The following TAF1L variants were observed in gnomAD, a reference collection of about 807,000 sequenced individuals.
TAF1L encodes the protein TATA-box binding protein associated factor 1 like, also known as transcription initiation factor TFIID subunit 1-like.
A neutral mutation model predicts 128.8 loss-of-function variants in TAF1L; 30 were observed. The ratio of observed to expected loss-of-function variants is 0.23; its 90% confidence interval spans 0.17 to 0.32. The LOEUF is 0.32. Among genes scored for constraint, TAF1L ranks in the 10% least tolerant of loss-of-function variants. The probability of loss-of-function intolerance (pLI) is 1.00; values close to 1 mark genes in which losing one functional copy is unlikely to be tolerated. For missense variants in TAF1L, 2,099 were observed against 2,253.7 expected (o/e 0.93, Z 1.39); for synonymous variants, 764 against 790.7 (o/e 0.97, Z 0.57).
In TAF1L at chr9:32,634,287, A is replaced by C. The variant is rs1387637404; in HGVS notation, c.1293T>G (p.Asp431Glu). ...FLMVTQLHWE[D>E]SIIWDGEDIK... Reference sequence around the variant, plus strand: ...TATCCTCCCCATCCCAGATGATAGAATCCTCCCAATGCAGCTGTGTCACCA... The same window carrying C: ...TATCCTCCCCATCCCAGATGATAGACTCCTCCCAATGCAGCTGTGTCACCA... The change falls in exon 1 of 1, where the codon GAT (aspartate) becomes GAG (glutamate). Residue 431 changes from aspartate to glutamate, a missense_variant. Physicochemically the swap from Asp to Glu is conservative, Grantham distance 45 (BLOSUM62 2). Coordinates refer to ENST00000242310, the MANE Select transcript of TAF1L (RefSeq NM_153809.2). 3.1e-6 allele frequency: 5 copies of C among 1,614,158 alleles called. No homozygotes were observed. The highest frequency in any genetic ancestry group is 1.7e-6 in the Non-Finnish European group (2 of 1,180,030).
In TAF1L at chr9:32,632,500, C is replaced by T. The variant is rs201090993; in HGVS notation, c.3080G>A (p.Arg1027His). ...LSLKNAKQLL[R>H]KFGVPEEEIK... ...CTCTTCCTCAGGCACACCAAATTTA[C>T]GTAGAAGTTGCTTGGCATTTTTCAG... Residue 1027 changes from arginine (R) to histidine (H), a missense_variant, in exon 1 of 1, where the codon CGT becomes CAT. This residue lies in a region of TAF1L where 1,213 missense variants were observed against 1,391.4 expected (regional missense o/e 0.87). Coordinates refer to ENST00000242310, the MANE Select transcript of TAF1L (RefSeq NM_153809.2). This position sits in a 1 kb window ranked among gnomAD's most constrained non-coding sequence, Gnocchi z 4.4. The T allele has an allele frequency of 1.2e-5, 20 of 1,614,126 alleles. No homozygotes were observed. Among genetic ancestry groups the T allele is most frequent in the Admixed American group, 3.3e-5 (2 of 60,010 alleles).
rs1353183007 is a variant in TAF1L at position 32,634,503 on chromosome 9, C to T, written c.1077G>A (p.Glu359=). The T allele has an allele frequency of 3.1e-6, 5 of 1,614,238 alleles. No homozygotes were observed. Among genetic ancestry groups the T allele is most frequent in the Non-Finnish European group, 4.2e-6 (5 of 1,180,048 alleles). ...KVTDTKPRVA[E]WRYGPARLWY... is the part of the protein sequence containing the mutation. Reference sequence around the variant, plus strand: ...ACAGTCGGGCAGGCCCATAACGCCACTCAGCCACTCTTGGTTTGGTATCTG... The same window carrying T: ...ACAGTCGGGCAGGCCCATAACGCCATTCAGCCACTCTTGGTTTGGTATCTG... The change falls in exon 1 of 1, where the codon GAG becomes GAA. Residue 359 remains glutamate, a synonymous_variant. Transcript: ENST00000242310.
At position 32,634,536 on chromosome 9, in the gene TAF1L, A is replaced by T; in HGVS notation, c.1044T>A (p.Asp348Glu). Residue 348 changes from aspartate (D) to glutamate (E), a missense_variant, in exon 1 of 1, where the codon GAT becomes GAA. Asp to Glu is a conservative substitution (Grantham distance 45). Transcript: ENST00000242310. ...SKFSQSTGDV[D>E]KVTDTKPRVA... ...CTCTTGGTTTGGTATCTGTCACTTT[A>T]TCTACATCTCCAGTTGATTGGGAAA... 4 of 1,614,170 alleles carry T rather than the reference A, an allele frequency of 2.5e-6. No individual in the cohort carries two copies. Among genetic ancestry groups the T allele is most frequent in the South Asian group, 1.1e-5 (1 of 91,074 alleles).
Position 32,635,513 on chromosome 9 carries a change from A to G in TAF1L, c.67T>C (p.Ser23Pro), listed in dbSNP as rs756660578. Reference sequence around the variant, plus strand: ...CCAGATGAATCTTCCTCGCTGTCCGAGTCTGACATGATGGCGGCAGTGACG... The same window carrying G: ...CCAGATGAATCTTCCTCGCTGTCCGGGTCTGACATGATGGCGGCAGTGACG... The part of the protein sequence containing the change: ...ATVTAAIMSD[S>P]DSEEDSSGGG... Residue 23 changes from serine to proline, a missense_variant, in exon 1 of 1, where the codon TCG (serine) becomes CCG (proline). Physicochemically the swap from Ser to Pro is moderately conservative, Grantham distance 74. Transcript: ENST00000242310. The G allele has an allele frequency of 6.2e-7, 1 of 1,614,086 alleles. No individual in the cohort carries two copies. Among genetic ancestry groups the G allele is most frequent in the Non-Finnish European group, 8.5e-7 (1 of 1,180,006 alleles).
At position 32,632,775 on chromosome 9, in the gene TAF1L, C is replaced by T. The variant is rs1036597452; in HGVS notation, c.2805G>A (p.Glu935=). ...CATCAATCTTCATCTGGAAATCTTC[C>T]TCATTTTCTTCTTCTGGGGCAAAAA... is the stretch of plus-strand genomic sequence containing the variant. ...KSFFAPEEEN[E]EDFQMKIDDE... is the part of the protein sequence containing the mutation. Residue 935 remains glutamate (E), a synonymous_variant, in exon 1 of 1, where the codon GAG becomes GAA. Coordinates refer to ENST00000242310, the MANE Select transcript of TAF1L (RefSeq NM_153809.2). The surrounding 1 kb of genome is among the most constrained non-coding windows in gnomAD (Gnocchi z 4.4). 6.2e-7 allele frequency: 1 copy of T among 1,614,206 alleles called. No individual in the cohort carries two copies. Among genetic ancestry groups the T allele is most frequent in the Non-Finnish European group, 8.5e-7 (1 of 1,180,048 alleles).
Position 32,630,136 on chromosome 9 carries a change from T to C in TAF1L, c.5444A>G (p.His1815Arg), listed in dbSNP as rs780023391. The C allele has an allele frequency of 1.2e-6, 2 of 1,614,090 alleles. No homozygotes were observed. The highest frequency in any genetic ancestry group is 1.3e-5 in the African/African-American group (1 of 74,934). The change falls in exon 1 of 1, where the codon CAT becomes CGT. Residue 1815 changes from histidine to arginine, a missense_variant. Physicochemically the swap from His to Arg is conservative, Grantham distance 29 (BLOSUM62 0). This residue lies in a region of TAF1L where 404 missense variants were observed against 406.5 expected (regional missense o/e 0.99). Transcript: ENST00000242310. ...CCCATCCTTGTGTTCTCCTGAAGCA[T>C]GCTGAAGCATGAAGGGTTGTTTGGG... ...IRPKQPFMLQ[H>R]ASGEHKDGHG...
chr9:32,630,380 G>A lies in TAF1L; in HGVS notation c.5200C>T (p.Pro1734Ser). The change falls in exon 1 of 1, where the codon CCT becomes TCT. Residue 1734 changes from proline to serine, a missense_variant. Coordinates refer to ENST00000242310, the MANE Select transcript of TAF1L (RefSeq NM_153809.2). ...CCATCTCCCCCTTCTGGGGCTGGAG[G>A]CTTAGGTTTCCCATCCTCCTCCTCA... is the stretch of plus-strand genomic sequence containing the variant. Reference protein sequence around the residue: ...DDEEEDGKPKPPAPEGGDGDL... With the variant: ...DDEEEDGKPKSPAPEGGDGDL... The A allele has an allele frequency of 6.2e-7, 1 of 1,614,130 alleles. No homozygotes were observed. Among genetic ancestry groups the A allele is most frequent in the Non-Finnish European group, 8.5e-7 (1 of 1,180,026 alleles).
chr9:32,634,412 T>C lies in TAF1L; in HGVS notation c.1168A>G (p.Thr390Ala). The change falls in exon 1 of 1, where the codon ACA becomes GCA. Residue 390 changes from threonine (T) to alanine (A), a missense_variant. By Grantham distance (58) the Thr-to-Ala change is moderately conservative. Transcript: ENST00000242310. ...GATTTTATCACAGGTTCATGTTGTGTCTTTCTCAGTTTGAAGCCATAGTCA... is the reference window on the plus strand; with the variant it reads ...GATTTTATCACAGGTTCATGTTGTGCCTTTCTCAGTTTGAAGCCATAGTCA... Reference protein sequence around the residue: ...GFDYGFKLRKTQHEPVIKSRM... With the variant: ...GFDYGFKLRKAQHEPVIKSRM... The C allele has an allele frequency of 1.9e-6, 3 of 1,614,206 alleles. No homozygotes were observed. The highest frequency in any genetic ancestry group is 1.7e-6 in the Non-Finnish European group (2 of 1,180,042).
In TAF1L at chr9:32,629,870, G is replaced by A. The variant is rs1027269458; in HGVS notation, c.*229C>T. On this transcript the variant is annotated 3_prime_UTR_variant, in exon 1 of 1. Coordinates refer to ENST00000242310, the MANE Select transcript of TAF1L (RefSeq NM_153809.2). The stretch of plus-strand genomic sequence containing the variant: ...GATGAAGTTTCGACATGTTGGCCAA[G>A]CTGGTCTCGAACTGACCTCAGGTGA... 2 of 760,286 alleles carry A rather than the reference G, an allele frequency of 2.6e-6. No individual in the cohort carries two copies. The highest frequency in any genetic ancestry group is 1.8e-5 in the African/African-American group (1 of 56,476). The allele number at this position is 760,286 out of a possible 1,614,324, so 47.1% of individuals were successfully genotyped here.
chr9:32,631,609 T>C lies in TAF1L; in HGVS notation c.3971A>G (p.Lys1324Arg). The change falls in exon 1 of 1, where the codon AAG (lysine) becomes AGG (arginine). Residue 1324 changes from lysine (K) to arginine (R), a missense_variant. Transcript: ENST00000242310. This position sits in a 1 kb window ranked among gnomAD's most constrained non-coding sequence, Gnocchi z 4.1. ...MTEEQEEELE[K>R]TVIHNDNEEL... Reference sequence around the variant, plus strand: ...TTCATTATCATTATGAATGACTGTCTTTTCCAACTCCTCCTCCTGCTCTTC... The same window carrying C: ...TTCATTATCATTATGAATGACTGTCCTTTCCAACTCCTCCTCCTGCTCTTC... 6.2e-7 allele frequency: 1 copy of C among 1,614,206 alleles called. No homozygotes were observed. The highest frequency in any genetic ancestry group is 8.5e-7 in the Non-Finnish European group (1 of 1,180,032).
chr9:32,633,356 C>G lies in TAF1L; in HGVS notation c.2224G>C (p.Val742Leu), dbSNP rs774762124. 4 of 1,614,102 alleles carry G rather than the reference C, an allele frequency of 2.5e-6. No individual in the cohort carries two copies. The highest frequency in any genetic ancestry group is 1.1e-5 in the South Asian group (1 of 91,086). ...AAGAAAGGAGATGTATGGCAGTAAA[C>G]AGTTTCCCCATATTTACAATCTGGT... Reference protein sequence around the residue: ...GAPDCKYGETVYCHTSPFLGS... With the variant: ...GAPDCKYGETLYCHTSPFLGS... Residue 742 changes from valine to leucine, a missense_variant, in exon 1 of 1, where the codon GTT becomes CTT. By Grantham distance (32) the Val-to-Leu change is conservative. Coordinates refer to ENST00000242310, the MANE Select transcript of TAF1L (RefSeq NM_153809.2).
chr9:32,632,891 C>T lies in TAF1L; in HGVS notation c.2689G>A (p.Ala897Thr). ...CAGCACTGCTCTGGTGACACCTTAG[C>T]TCTGATCTCTTCTTCCGTTGGTAAA... is the stretch of plus-strand genomic sequence containing the variant. Reference protein sequence around the residue: ...FRLPTEEEIRAKVSPEQCCAY... With the variant: ...FRLPTEEEIRTKVSPEQCCAY... Residue 897 changes from alanine to threonine, a missense_variant, in exon 1 of 1, where the codon GCT becomes ACT. Transcript: ENST00000242310. This position sits in a 1 kb window ranked among gnomAD's most constrained non-coding sequence, Gnocchi z 4.4. The T allele has an allele frequency of 6.2e-7, 1 of 1,614,260 alleles. No individual in the cohort carries two copies. Among genetic ancestry groups the T allele is most frequent in the Non-Finnish European group, 8.5e-7 (1 of 1,180,048 alleles).
At position 32,635,512 on chromosome 9, in the gene TAF1L, G is replaced by A. The variant is rs750929210; in HGVS notation, c.68C>T (p.Ser23Leu). ...TCCAGATGAATCTTCCTCGCTGTCC[G>A]AGTCTGACATGATGGCGGCAGTGAC... Reference protein sequence around the residue: ...ATVTAAIMSDSDSEEDSSGGG... With the variant: ...ATVTAAIMSDLDSEEDSSGGG... The change falls in exon 1 of 1, where the codon TCG (serine) becomes TTG (leucine). Residue 23 changes from serine (S) to leucine (L), a missense_variant. Physicochemically the swap from Ser to Leu is moderately radical, Grantham distance 145. Coordinates refer to ENST00000242310, the MANE Select transcript of TAF1L (RefSeq NM_153809.2). The A allele has an allele frequency of 9.3e-6, 15 of 1,613,996 alleles. No homozygotes were observed. Among genetic ancestry groups the A allele is most frequent in the African/African-American group, 8.0e-5 (6 of 74,876 alleles).
chr9:32,630,226 G>C lies in TAF1L; in HGVS notation c.5354C>G (p.Pro1785Arg), dbSNP rs764448670. The C allele has an allele frequency of 6.2e-7, 1 of 1,614,168 alleles. No individual in the cohort carries two copies. The highest frequency in any genetic ancestry group is 1.7e-5 in the Admixed American group (1 of 60,020). Reference protein sequence around the residue: ...DAGSDEEGDNPFSAIQLSESG... With the variant: ...DAGSDEEGDNRFSAIQLSESG... Reference sequence around the variant, plus strand: ...TTCACTCAGCTGGATAGCAGAGAAAGGATTGTCTCCTTCTTCGTCACTCCC... The same window carrying C: ...TTCACTCAGCTGGATAGCAGAGAAACGATTGTCTCCTTCTTCGTCACTCCC... The change falls in exon 1 of 1, where the codon CCT (proline) becomes CGT (arginine). Residue 1785 changes from proline (P) to arginine (R), a missense_variant. This residue lies in a region of TAF1L where 404 missense variants were observed against 406.5 expected (regional missense o/e 0.99). Coordinates refer to ENST00000242310, the MANE Select transcript of TAF1L (RefSeq NM_153809.2).
In TAF1L at chr9:32,630,150, G is replaced by A; in HGVS notation, c.5430C>T (p.Pro1810=). The change falls in exon 1 of 1, where the codon CCC becomes CCT. Residue 1810 remains proline (P), a synonymous_variant. Transcript: ENST00000242310. Reference sequence around the variant, plus strand: ...CTCCTGAAGCATGCTGAAGCATGAAGGGTTGTTTGGGTCTTATTCCACCAT... The same window carrying A: ...CTCCTGAAGCATGCTGAAGCATGAAAGGTTGTTTGGGTCTTATTCCACCAT... ...VGYGGIRPKQ[P]FMLQHASGEH... The A allele has an allele frequency of 6.2e-7, 1 of 1,614,190 alleles. No individual in the cohort carries two copies. The highest frequency in any genetic ancestry group is 8.5e-7 in the Non-Finnish European group (1 of 1,180,036).
rs1212853888 is a variant in TAF1L at position 32,634,432 on chromosome 9, T to C, written c.1148A>G (p.Tyr383Cys). ...TTGTGTCTTTCTCAGTTTGAAGCCA[T>C]AGTCAAACCCACTGCCATCTTCGGA... ...GVSEDGSGFDYGFKLRKTQHE... is the reference protein window; with the variant it reads ...GVSEDGSGFDCGFKLRKTQHE... The change falls in exon 1 of 1, where the codon TAT becomes TGT. Residue 383 changes from tyrosine to cysteine, a missense_variant. Around this residue, in one of 4 missense-constraint regions of TAF1L, gnomAD observed 1,213 missense variants for 1,391.4 expected, o/e 0.87. Coordinates refer to ENST00000242310, the MANE Select transcript of TAF1L (RefSeq NM_153809.2). 3.7e-6 allele frequency: 6 copies of C among 1,614,218 alleles called. No homozygotes were observed. The highest frequency in any genetic ancestry group is 2.2e-5 in the East Asian group (1 of 44,886).
chr9:32,631,514 G>T lies in TAF1L; in HGVS notation c.4066C>A (p.Arg1356Ser). 1 of 1,614,184 alleles carries T rather than the reference G, an allele frequency of 6.2e-7. No individual in the cohort carries two copies. The highest frequency in any genetic ancestry group is 1.7e-5 in the Admixed American group (1 of 60,020). ...AACTTGAGAACCAGAGATTTTCTGC[G>T]AACCTCATGCACATTCTCAATTAGC... ...KQLIENVHEV[R>S]RKSLVLKFPK... Residue 1356 changes from arginine to serine, a missense_variant, in exon 1 of 1, where the codon CGC becomes AGC. Physicochemically the swap from Arg to Ser is moderately radical, Grantham distance 110. Coordinates refer to ENST00000242310, the MANE Select transcript of TAF1L (RefSeq NM_153809.2). The surrounding 1 kb of genome is among the most constrained non-coding windows in gnomAD (Gnocchi z 4.1).
chr9:32,634,405 T>C lies in TAF1L; in HGVS notation c.1175A>G (p.His392Arg), dbSNP rs376592143. The change falls in exon 1 of 1, where the codon CAT becomes CGT. Residue 392 changes from histidine to arginine, a missense_variant. Physicochemically the swap from His to Arg is conservative, Grantham distance 29. Coordinates refer to ENST00000242310, the MANE Select transcript of TAF1L (RefSeq NM_153809.2). ...DYGFKLRKTQ[H>R]EPVIKSRMME... is the part of the protein sequence containing the mutation. Reference sequence around the variant, plus strand: ...CATTCTAGATTTTATCACAGGTTCATGTTGTGTCTTTCTCAGTTTGAAGCC... The same window carrying C: ...CATTCTAGATTTTATCACAGGTTCACGTTGTGTCTTTCTCAGTTTGAAGCC... 20 of 1,614,102 alleles carry C rather than the reference T, an allele frequency of 1.2e-5. No homozygotes were observed. The highest frequency in any genetic ancestry group is 1.5e-5 in the Non-Finnish European group (18 of 1,180,044).
At position 32,630,343 on chromosome 9, in the gene TAF1L, T is replaced by A; in HGVS notation, c.5237A>T (p.Asp1746Val). ...TTGTTGTACAGTTCCTTCCTCTTCA[T>A]CTGCAAGATCACCATCTCCCCCTTC... ...APEGGDGDLADEEEGTVQQPE... is the reference protein window; with the variant it reads ...APEGGDGDLAVEEEGTVQQPE... Residue 1746 changes from aspartate (D) to valine (V), a missense_variant, in exon 1 of 1, where the codon GAT (aspartate) becomes GTT (valine). Transcript: ENST00000242310. The A allele has an allele frequency of 6.2e-7, 1 of 1,614,224 alleles. No homozygotes were observed. The highest frequency in any genetic ancestry group is 1.1e-5 in the South Asian group (1 of 91,084).
Sources: gnomAD v4.1 joint callset for allele counts on GRCh38, gnomAD v4.1.1 for gene constraint, gnomAD v4.1.1 regional missense constraint, Gnocchi (gnomAD v3.1) non-coding constraint, MANE v1.5 for transcripts, NCBI Gene and HGNC (gene_info 2026-07-23, HGNC 2026-07-21) for gene names.